The following SLC5A8 variants were observed in gnomAD, a reference collection of about 807,000 sequenced individuals.
SLC5A8 encodes sodium-coupled monocarboxylate transporter 1.
A neutral mutation model predicts 71.9 loss-of-function variants in SLC5A8; 55 were observed. The observed-to-expected ratio is 0.77, with a 90% CI of 0.62 to 0.96. The LOEUF (loss-of-function observed/expected upper bound fraction) is 0.96, where lower values mean the gene tolerates loss of function less well. SLC5A8 is among the 40% of genes least tolerant of loss of function. The pLI is 0.00. For missense variants in SLC5A8, 701 were observed against 745.3 expected (o/e 0.94, Z 0.69); for synonymous variants, 307 against 276.1 (o/e 1.11, Z -1.11).
At position 101,155,832 on chromosome 12, in the gene SLC5A8, G is replaced by C. The variant is rs2051655377; in HGVS notation, c.*1447C>G. 6.7e-6 allele frequency: 1 copy of C among 148,300 alleles called. No homozygotes were observed. The highest frequency in any genetic ancestry group is 1.5e-5 in the Non-Finnish European group (1 of 67,562). 9.2% of individuals were successfully genotyped at this position (148,300 alleles called of 1,614,324 possible). On this transcript the variant is annotated 3_prime_UTR_variant, in exon 15 of 15. Transcript: ENST00000536262. ...TTTTTTAAATTTCTTAACATTGTCA[G>C]TTAGCAACCTCTAAATGTACAGGGC... is the stretch of plus-strand genomic sequence containing the variant.
At chr12:101,174,212 A>T (rs1393112056) in intron 10 of SLC5A8, among the ~76,000 whole-genome samples, 1 of 152,140 alleles carries the variant, frequency 6.6e-6, no homozygotes, top group African/African-American at 2.4e-5. Flanking sequence ...CCTATCCTCA[A>T]TGCCAGTTGT....
intron 10 of SLC5A8, among the ~76,000 whole-genome samples, chr12:101,172,430 A>C (rs1019858737): frequency 3.3e-5 from 5 of 152,156 alleles, no homozygotes; most frequent in Admixed American, 3.3e-4. Flanking sequence ...GAGAGTTTGC[A>C]GGAATTCATG....
chr12:101,158,550 G>GTCTCTCTCTCTCTCTCTCTCTC (rs372186123), intron 13 of SLC5A8, among the ~76,000 whole-genome samples: 1 of 48,506 alleles, frequency 2.1e-5, no homozygotes, highest in Non-Finnish European at 4.4e-5. Context: ...ATAAATATGA[G>GTCTCTCTCTCTCTCTCTCTCTC]TCTCTCTCTC....
chr12:101,179,591 G>T (rs1396668210), intron 10 of SLC5A8, among the ~76,000 whole-genome samples: 1 of 152,172 alleles, frequency 6.6e-6, no homozygotes, highest in Non-Finnish European at 1.5e-5. Flanking sequence ...TAAAATTATA[G>T]AAATGGAAAA....
intron 9 of SLC5A8, among the ~76,000 whole-genome samples, chr12:101,182,318 C>T (rs1271664804): frequency 6.6e-6 from 1 of 152,186 alleles, no homozygotes; most frequent in African/African-American, 2.4e-5. Flanking sequence ...ATCTAATCCT[C>T]TGTAAACATT....
At chr12:101,166,808 G>T in intron 11 of SLC5A8, 109 bp from the exon 12 acceptor site, 1 of 972,888 alleles carries the variant, frequency 1.0e-6, no homozygotes, top group South Asian at 1.8e-5. Flanking sequence ...AAACTCACAA[G>T]GGCAGAAACA....
At chr12:101,179,676 A>G (rs1193411287) in intron 10 of SLC5A8, among the ~76,000 whole-genome samples, 2 of 152,220 alleles carry the variant, frequency 1.3e-5, no homozygotes, top group East Asian at 3.9e-4. Flanking sequence ...AATGGGCAAC[A>G]GCAAGGATTC....
intron 13 of SLC5A8, among the ~76,000 whole-genome samples, chr12:101,159,195 A>C (rs1166987973): frequency 6.6e-6 from 1 of 152,130 alleles, no homozygotes; most frequent in African/African-American, 2.4e-5. Context: ...TGCCCTCTAA[A>C]GTTTAAGAAC....
chr12:101,197,900 A>C (rs1268937383), intron 3 of SLC5A8, among the ~76,000 whole-genome samples: 1 of 152,092 alleles, frequency 6.6e-6, no homozygotes, highest in African/African-American at 2.4e-5. Flanking sequence ...TTTTGAGAGC[A>C]TATGGAATGT....
At chr12:101,160,343 A>C (rs2051712883) in intron 13 of SLC5A8, among the ~76,000 whole-genome samples, 1 of 152,240 alleles carries the variant, frequency 6.6e-6, no homozygotes, top group Admixed American at 6.5e-5. Flanking sequence ...AATGAATAGC[A>C]ACAAATTTTA....
intron 13 of SLC5A8, among the ~76,000 whole-genome samples, chr12:101,161,625 C>A (rs2051724115): frequency 6.6e-6 from 1 of 152,118 alleles, no homozygotes; most frequent in Non-Finnish European, 1.5e-5. Flanking sequence ...AACATCATAG[C>A]AGTTATGAAG....
At chr12:101,163,772 C>G (rs1030410341) in intron 12 of SLC5A8, among the ~76,000 whole-genome samples, 2 of 152,184 alleles carry the variant, frequency 1.3e-5, no homozygotes, top group Non-Finnish European at 2.9e-5. Context: ...GAGCCAAAGA[C>G]AGACAAAATA....
intron 10 of SLC5A8, among the ~76,000 whole-genome samples, chr12:101,172,332 C>T (rs528564487): frequency 5.3e-5 from 8 of 152,256 alleles, no homozygotes; most frequent in Middle Eastern, 3.4e-3. Flanking sequence ...GCAGTGAAGA[C>T]ATCTTCCCAA....
At chr12:101,163,660 A>T (rs1055175195) in intron 12 of SLC5A8, among the ~76,000 whole-genome samples, 1 of 152,226 alleles carries the variant, frequency 6.6e-6, no homozygotes, top group Non-Finnish European at 1.5e-5. Flanking sequence ...CTCCGTCTCA[A>T]ACAAAAACAA....
chr12:101,209,841 G>T lies in SLC5A8; in HGVS notation c.8C>A (p.Thr3Lys). 3.2e-6 allele frequency: 5 copies of T among 1,558,568 alleles called. No homozygotes were observed. Among genetic ancestry groups the T allele is most frequent in the Non-Finnish European group, 4.3e-6 (5 of 1,150,042 alleles). The change falls in exon 1 of 15, where the codon ACG becomes AAG. Residue 3 changes from threonine (T) to lysine (K), a missense_variant. Physicochemically the swap from Thr to Lys is moderately conservative, Grantham distance 78 (BLOSUM62 -1). Coordinates refer to ENST00000536262, the MANE Select transcript of SLC5A8 (RefSeq NM_145913.5). ...CACGAAGGTGCCGATGCCCCGTGGC[G>T]TGTCCATGGCCGCACGGTCGCCTGA... MD[T>K]PRGIGTFVVW...
intron 5 of SLC5A8, among the ~76,000 whole-genome samples, chr12:101,192,120 C>T (rs965139296): frequency 6.6e-5 from 10 of 152,168 alleles, no homozygotes. Context: ...GGGGAAACTA[C>T]CATTTCTCCA....
intron 10 of SLC5A8, among the ~76,000 whole-genome samples, chr12:101,176,375 C>A (rs1221634175): frequency 6.6e-6 from 1 of 151,428 alleles, no homozygotes; most frequent in African/African-American, 2.4e-5. Flanking sequence ...AAGAATTCAC[C>A]ACCCCTCTCT....
intron 13 of SLC5A8, among the ~76,000 whole-genome samples, chr12:101,159,979 C>T (rs532958758): frequency 1.5e-3 from 228 of 152,248 alleles, no homozygotes; most frequent in African/African-American, 5.3e-3. Flanking sequence ...GTCAGGAGTT[C>T]GAGACCAGCC....
At chr12:101,178,050 T>C (rs1422726661) in intron 10 of SLC5A8, among the ~76,000 whole-genome samples, 3 of 152,102 alleles carry the variant, frequency 2.0e-5, no homozygotes, top group Non-Finnish European at 4.4e-5. Flanking sequence ...ATAAGTGAGC[T>C]CAGCAAGGTC....
Sources: gnomAD v4.1 joint callset for allele counts (sites outside exome capture counted in the v4.1 genomes callset) on GRCh38, gnomAD v4.1.1 for gene constraint, MANE v1.5 for transcripts, NCBI Gene and HGNC (gene_info 2026-07-23, HGNC 2026-07-21) for gene names.